SORCS2: variants seen among roughly 807,000 people sequenced by gnomAD.
SORCS2 encodes sortilin related VPS10 domain containing receptor 2.
In SORCS2, 100 loss-of-function variants were observed where a neutral mutation model predicts 141.6. The ratio of observed to expected loss-of-function variants is 0.71; its 90% CI spans 0.60 to 0.83. SORCS2 has a LOEUF of 0.83. SORCS2 is among the 40% of genes least tolerant of loss of function. SORCS2 has a pLI of 0.00. For missense variants in SORCS2, 1,646 were observed against 1,560.2 expected (o/e 1.05, Z -0.93); for synonymous variants, 789 against 676.9 (o/e 1.17, Z -2.57).
At chr4:7,197,575 A>G (rs559574529) in intron 1 of SORCS2, among the ~76,000 whole-genome samples, 64 of 152,302 alleles carry the variant, frequency 4.2e-4, no homozygotes, top group African/African-American at 1.5e-3. Flanking sequence ...AGTGTATAGG[A>G]GATGGAGAAC....
chr4:7,282,322 C>G (rs146131487), intron 1 of SORCS2, among the ~76,000 whole-genome samples: 69 of 152,342 alleles, frequency 4.5e-4, no homozygotes, highest in African/African-American at 1.6e-3. Flanking sequence ...GTTTTTAAGA[C>G]AGGATCTTTT....
intron 2 of SORCS2, among the ~76,000 whole-genome samples, chr4:7,479,646 G>A (rs915787252): frequency 1.3e-5 from 2 of 152,252 alleles, no homozygotes; most frequent in East Asian, 3.9e-4. Flanking sequence ...CCTTGTTCAG[G>A]GCCTGGCAAT....
intron 1 of SORCS2, among the ~76,000 whole-genome samples, chr4:7,374,148 T>A (rs952151892): frequency 1.4e-5 from 2 of 144,210 alleles, no homozygotes; most frequent in African/African-American, 5.2e-5. Context: ...TCTTTCTTTC[T>A]TTCTTTCTTT....
At chr4:7,556,411 G>GCT (rs1714109833) in intron 3 of SORCS2, among the ~76,000 whole-genome samples, 1 of 152,118 alleles carries the variant, frequency 6.6e-6, no homozygotes, top group African/African-American at 2.4e-5. Flanking sequence ...AGCCTCTGTG[G>GCT]CTGTAACCTG....
intron 16 of SORCS2, among the ~76,000 whole-genome samples, chr4:7,714,579 G>A (rs1213311100): frequency 1.3e-5 from 2 of 152,198 alleles, no homozygotes; most frequent in African/African-American, 2.4e-5. Flanking sequence ...GAGCTTTAAG[G>A]AATTTGTGGG....
At chr4:7,291,203 A>C (rs1716579719) in intron 1 of SORCS2, among the ~76,000 whole-genome samples, 1 of 152,266 alleles carries the variant, frequency 6.6e-6, no homozygotes, top group South Asian at 2.1e-4. Flanking sequence ...CGGTGGGGGC[A>C]GAGCTGAGGC....
intron 1 of SORCS2, among the ~76,000 whole-genome samples, chr4:7,312,143 G>A (rs1438599094): frequency 2.0e-5 from 3 of 152,190 alleles, no homozygotes; most frequent in Non-Finnish European, 2.9e-5. Flanking sequence ...CCAAAGTGCT[G>A]GGATTATAGG....
At chr4:7,308,526 C>T (rs1032356498) in intron 1 of SORCS2, among the ~76,000 whole-genome samples, 2 of 152,148 alleles carry the variant, frequency 1.3e-5, no homozygotes, top group Non-Finnish European at 2.9e-5. Context: ...CGGTGTCAGA[C>T]TGGCCTGTTA....
intron 1 of SORCS2, among the ~76,000 whole-genome samples, chr4:7,381,186 G>T (rs1722974766): frequency 6.6e-6 from 1 of 152,196 alleles, no homozygotes; most frequent in South Asian, 2.1e-4. Context: ...GTCCCTGAAT[G>T]ATCAGATATT....
At chr4:7,216,414 TAACA>T (rs1230792804) in intron 1 of SORCS2, among the ~76,000 whole-genome samples, 2 of 152,194 alleles carry the variant, frequency 1.3e-5, no homozygotes, top group African/African-American at 4.8e-5. Flanking sequence ...GTGGCTGCTG[TAACA>T]AACTGCACAA....
At chr4:7,682,628 G>A (rs1723595581) in intron 9 of SORCS2, 115 bp from the exon 10 acceptor site, 1 of 1,028,776 alleles carries the variant, frequency 9.7e-7, no homozygotes. Flanking sequence ...CATTGTGACT[G>A]TGAAATGAGG....
At chr4:7,351,192 C>T (rs915440160) in intron 1 of SORCS2, among the ~76,000 whole-genome samples, 9 of 152,180 alleles carry the variant, frequency 5.9e-5, no homozygotes, top group African/African-American at 1.2e-4. Context: ...TCACTGTCAC[C>T]GCAGTGTAAT....
At chr4:7,696,298 C>T (rs4689826) in intron 11 of SORCS2, among the ~76,000 whole-genome samples, 99,699 of 152,078 alleles carry the variant, frequency 0.66, 33,166 homozygotes, top group East Asian at 0.91. Context: ...GACTTGGACC[C>T]CTGTCTCTGC....
rs754122913 is a variant in SORCS2, at chr4:7,434,136, G to T, written c.548+37781G>T. 1.2e-5 allele frequency: 20 copies of T among 1,613,544 alleles called. No individual in the cohort carries two copies. The African/African-American group carries it at 2.5e-4, about 20-fold the overall frequency. On this transcript the variant is annotated intron_variant, in intron 2 of 26. Coordinates refer to ENST00000507866, the MANE Select transcript of SORCS2 (RefSeq NM_020777.3). The stretch of plus-strand genomic sequence containing the variant: ...GCTCCTCACAGAATCCCCCCTTCCT[G>T]CAGAGCTCCTGCGGGGGGAGAAGCC...
intron 5 of SORCS2, among the ~76,000 whole-genome samples, chr4:7,655,420 G>C (rs62290676): frequency 0.11 from 16,083 of 152,244 alleles, 1,268 homozygotes; most frequent in African/African-American, 0.22. Context: ...TCAGCCTTCC[G>C]TTCCAAAGCT....
At chr4:7,515,990 C>G (rs559966736) in intron 2 of SORCS2, among the ~76,000 whole-genome samples, 2 of 152,278 alleles carry the variant, frequency 1.3e-5, no homozygotes, top group Non-Finnish European at 2.9e-5. Flanking sequence ...TCTCGGCTCT[C>G]GCAGCAGGGT....
chr4:7,723,607 ATGAG>A lies in SORCS2; in HGVS notation c.2425-70_2425-67del, dbSNP rs199708011. 296 of 1,402,442 alleles carry A rather than the reference ATGAG, an allele frequency of 2.1e-4. 1 individual carries two copies. The highest frequency in any genetic ancestry group is 6.8e-4 in the South Asian group (58 of 85,250). 86.9% of individuals were successfully genotyped at this position (1,402,442 alleles called of 1,614,324 possible). A position where few individuals can be genotyped will look rare whatever the true frequency, so the allele number is the denominator to read the frequency against. On this transcript the variant is annotated intron_variant, in intron 18 of 26. Coordinates refer to ENST00000507866, the MANE Select transcript of SORCS2 (RefSeq NM_020777.3). ...AGGAAGGGAGGGCGGCAATGAATGA[ATGAG>A]TGAGTGAGTGAGTGAGTGAATGAAC...
At chr4:7,659,931 G>A (rs185740293) in intron 5 of SORCS2, among the ~76,000 whole-genome samples, 4 of 152,352 alleles carry the variant, frequency 2.6e-5, no homozygotes, top group Middle Eastern at 3.4e-3. Flanking sequence ...GACAGAACCT[G>A]GGTAGTGGAT....
intron 1 of SORCS2, among the ~76,000 whole-genome samples, chr4:7,224,090 C>T (rs143024327): frequency 4.6e-5 from 7 of 152,280 alleles, no homozygotes; most frequent in Admixed American, 1.3e-4. Context: ...TGTGGCCTGG[C>T]GTGCTGGTTT....
Sources: allele counts gnomAD v4.1 joint callset (sites outside exome capture counted in the v4.1 genomes callset), GRCh38; gene constraint gnomAD v4.1.1; transcripts MANE v1.5; gene names NCBI Gene and HGNC (gene_info 2026-07-23, HGNC 2026-07-21).